Variants in TEX11 observed in about 807,000 individuals in gnomAD.
TEX11 encodes the protein testis expressed 11.
Under a neutral mutation model 84.4 loss-of-function variants are expected in TEX11, and 7 were observed. The observed-to-expected ratio is 0.08, with a 90% CI of 0.05 to 0.16. The LOEUF (loss-of-function observed/expected upper bound fraction) is 0.16, where lower values mean the gene tolerates loss of function less well. Ranked by LOEUF, TEX11 falls within the 10% of genes least tolerant of loss-of-function variation. The pLI is 1.00. For synonymous variants in TEX11, 264 were observed against 222.8 expected, an observed-to-expected ratio of 1.18 and a Z score of -1.64; for missense variants, 551 against 660.5, an observed-to-expected ratio of 0.83 and a Z score of 1.82.
chrX:70,774,933 T>C (rs2090992586), intron 9 of TEX11, among the ~76,000 whole-genome samples: 1 of 111,828 alleles, frequency 8.9e-6, no homozygotes, highest in Non-Finnish European at 1.9e-5. Context: ...GGCAGCATCA[T>C]ATTACCTGAC....
chrX:70,670,604 TG>T, intron 15 of TEX11, 90 bp from the exon 16 acceptor site: 1 of 1,035,396 alleles, frequency 9.7e-7, no homozygotes, highest in Non-Finnish European at 1.3e-6. Flanking sequence ...AAGATGCTGT[TG>T]GTTTCTTTTT....
chrX:70,603,340 G>T lies in TEX11; in HGVS notation c.2067+2061C>A, dbSNP rs1438601180. ...ACAGTAACCAAAACAGCATGGTACT[G>T]GTACCAAAACAGAGATATAGATCAA... On this transcript the variant is annotated intron_variant, in intron 24 of 29. Coordinates refer to ENST00000374333, the MANE Select transcript of TEX11 (RefSeq NM_031276.3). 3.2e-5 allele frequency among the ~76,000 whole-genome samples: 3 copies of T among 93,256 alleles called. No homozygotes were observed. In the Admixed American group the frequency reaches 3.7e-4, roughly 11 times the overall value. 81.0% of individuals were successfully genotyped at this position (93,256 alleles called of 115,157 possible).
At chrX:70,819,819 C>T (rs2091309237) in intron 8 of TEX11, among the ~76,000 whole-genome samples, 2 of 111,774 alleles carry the variant, frequency 1.8e-5, no homozygotes, top group South Asian at 7.4e-4. Context: ...AAACAATCCA[C>T]TTACAATAAC....
At chrX:70,719,889 T>C (rs1364902979) in intron 13 of TEX11, among the ~76,000 whole-genome samples, 2 of 111,096 alleles carry the variant, frequency 1.8e-5, no homozygotes, top group Non-Finnish European at 3.8e-5. Context: ...GGAGAGGATG[T>C]GGAGAAATAG....
intron 3 of TEX11, among the ~76,000 whole-genome samples, chrX:70,876,642 C>G (rs1030856240): frequency 1.8e-5 from 2 of 111,617 alleles, no homozygotes; most frequent in African/African-American, 6.5e-5. Context: ...AAAAATAAGA[C>G]CAAACTCTTA....
At chrX:70,578,824 G>A in intron 25 of TEX11, among the ~76,000 whole-genome samples, 1 of 90,456 alleles carries the variant, frequency 1.1e-5, no homozygotes, top group East Asian at 3.5e-4. Context: ...AGACTGGAGT[G>A]CAATTGCACG....
At chrX:70,630,260 C>T (rs2089494886) in intron 17 of TEX11, among the ~76,000 whole-genome samples, 1 of 103,268 alleles carries the variant, frequency 9.7e-6, no homozygotes, top group Non-Finnish European at 2.0e-5. Flanking sequence ...TGCAGTGAGC[C>T]GAGATCGGGC....
rs186233262 is a variant in TEX11, at chrX:70,689,935, C to A, written c.1005-7110G>T. Among the ~76,000 whole-genome samples, 14 of 111,515 alleles carry A rather than the reference C, an allele frequency of 1.3e-4. No homozygotes were observed. The East Asian group carries it at 3.1e-3, about 25-fold the overall frequency. On this transcript the variant is annotated intron_variant, in intron 13 of 29. Transcript: ENST00000374333. ...ACATAAATCATATTGACAGTATATA[C>A]CCTTGATAACGATGTAATGAAAATG...
At chrX:70,752,236 A>T (rs1027793074) in intron 9 of TEX11, among the ~76,000 whole-genome samples, 51 of 111,899 alleles carry the variant, frequency 4.6e-4, no homozygotes, top group African/African-American at 1.5e-3. Flanking sequence ...ATATATAGAC[A>T]TAGTAAGTAT....
intron 9 of TEX11, among the ~76,000 whole-genome samples, chrX:70,748,902 G>A (rs1254685516): frequency 2.7e-4 from 28 of 103,060 alleles, no homozygotes; most frequent in Non-Finnish European, 1.6e-4. Flanking sequence ...TTGGCAATGC[G>A]GGCTCTTTTT....
At chrX:70,751,474 G>A (rs1354143605) in intron 9 of TEX11, among the ~76,000 whole-genome samples, 3 of 77,470 alleles carry the variant, frequency 3.9e-5, no homozygotes, top group African/African-American at 1.5e-4. Context: ...CACACACCAG[G>A]GCCTGTTGTG....
At chrX:70,559,603 A>G (rs752067607) in intron 25 of TEX11, among the ~76,000 whole-genome samples, 1 of 112,198 alleles carries the variant, frequency 8.9e-6, no homozygotes, top group East Asian at 2.8e-4. Flanking sequence ...TTGAATTTAT[A>G]TTGTGTATTC....
At chrX:70,561,185 C>A (rs956029418) in intron 25 of TEX11, among the ~76,000 whole-genome samples, 7 of 108,581 alleles carry the variant, frequency 6.4e-5, no homozygotes, top group African/African-American at 2.3e-4. Context: ...TTAAAAATTT[C>A]TTTCAGCCAT....
the TEX11 span, among the ~76,000 whole-genome samples, chrX:70,520,575 C>A: frequency 8.9e-6 from 1 of 112,594 alleles, no homozygotes. Flanking sequence ...AGATGTCTCC[C>A]AGTTAGGCTA....
At chrX:70,672,167 C>T (rs2090031202) in intron 15 of TEX11, among the ~76,000 whole-genome samples, 1 of 109,864 alleles carries the variant, frequency 9.1e-6, no homozygotes, top group Non-Finnish European at 1.9e-5. Flanking sequence ...TAGATTTATC[C>T]CCATTATTGC....
intron 27 of TEX11, among the ~76,000 whole-genome samples, chrX:70,552,622 G>A (rs995147645): frequency 1.8e-5 from 2 of 111,376 alleles, no homozygotes; most frequent in Admixed American, 1.9e-4. Flanking sequence ...ACTGTCTTTC[G>A]TGCCTTAACA....
Position 70,528,963 on chromosome X carries a change from A to T in TEX11, c.*132T>A. On this transcript the variant is annotated 3_prime_UTR_variant, in exon 30 of 30. Coordinates refer to ENST00000374333, the MANE Select transcript of TEX11 (RefSeq NM_031276.3). ...GGTAAATTCAGCATGCTTTTATTTT[A>T]GAAAGTTTATTCAACAACATGAAAA... is the stretch of plus-strand genomic sequence containing the variant. 2.0e-6 allele frequency: 1 copy of T among 488,632 alleles called. No homozygotes were observed. Among genetic ancestry groups the T allele is most frequent in the Non-Finnish European group, 3.5e-6 (1 of 287,086 alleles). The allele number at this position is 488,632 out of a possible 1,213,427, so 40.3% of individuals were successfully genotyped here. A position where few individuals can be genotyped will look rare whatever the true frequency, so the allele number is the denominator to read the frequency against.
At chrX:70,699,074 C>A (rs940730333) in intron 13 of TEX11, among the ~76,000 whole-genome samples, 10 of 111,373 alleles carry the variant, frequency 9.0e-5, no homozygotes, top group African/African-American at 3.3e-4. Context: ...TGAAGCTAAT[C>A]ATCAGTAAGA....
chrX:70,897,673 GAAAGAA>G (rs2091778592), intron 2 of TEX11: 1 of 53,396 alleles, frequency 1.9e-5, no homozygotes, highest in African/African-American at 7.4e-5. Flanking sequence ...GGAAAACAAA[GAAAGAA>G]AAAGAAAGAA....
Sources: allele counts gnomAD v4.1 joint callset (sites outside exome capture counted in the v4.1 genomes callset), GRCh38; gene constraint gnomAD v4.1.1; transcripts MANE v1.5; gene names NCBI Gene and HGNC (gene_info 2026-07-23, HGNC 2026-07-21).